Variants in SSBP2 observed in about 807,000 individuals in gnomAD.
SSBP2 encodes the protein single-stranded DNA-binding protein 2.
Under a neutral mutation model 61.8 loss-of-function variants are expected in SSBP2, and 17 were observed. The observed-to-expected ratio is 0.28, with a 90% CI of 0.19 to 0.41. SSBP2 has a LOEUF of 0.41. SSBP2 is among the 10% of genes least tolerant of loss of function. The probability of loss-of-function intolerance (pLI) is 1.00; values close to 1 mark genes in which losing one functional copy is unlikely to be tolerated. For synonymous variants in SSBP2, 139 were observed against 141.3 expected (o/e 0.98, Z 0.12); for missense variants, 310 against 458.7 (o/e 0.68, Z 2.96).
intron 5 of SSBP2, among the ~76,000 whole-genome samples, chr5:81,499,853 G>A (rs1767565092): frequency 6.6e-6 from 1 of 152,042 alleles, no homozygotes; most frequent in Non-Finnish European, 1.5e-5. Flanking sequence ...ATGTAAACTT[G>A]CTCCAGATGA....
chr5:81,591,293 G>A (rs1304863551), intron 4 of SSBP2, among the ~76,000 whole-genome samples: 1 of 152,128 alleles, frequency 6.6e-6, no homozygotes, highest in Admixed American at 6.5e-5. Context: ...ACACATTAAA[G>A]AACCGGAAAA....
At chr5:81,686,719 G>A (rs1460398052) in intron 1 of SSBP2, among the ~76,000 whole-genome samples, 1 of 151,860 alleles carries the variant, frequency 6.6e-6, no homozygotes, top group African/African-American at 2.4e-5. Flanking sequence ...GCCGGGTGTG[G>A]TGGCATGTGC....
At chr5:81,516,910 A>G (rs1255654644) in intron 4 of SSBP2, among the ~76,000 whole-genome samples, 1 of 152,090 alleles carries the variant, frequency 6.6e-6, no homozygotes, top group Non-Finnish European at 1.5e-5. Flanking sequence ...TCATGAGTCA[A>G]ATTTATCCAT....
intron 8 of SSBP2, among the ~76,000 whole-genome samples, chr5:81,471,844 T>C (rs551845686): frequency 1.9e-3 from 289 of 152,042 alleles, no homozygotes; most frequent in African/African-American, 6.7e-3. Context: ...TTTCCTATAA[T>C]ATGGCATCTC....
chr5:81,444,515 A>G (rs559524998), intron 12 of SSBP2, among the ~76,000 whole-genome samples: 1 of 152,292 alleles, frequency 6.6e-6, no homozygotes, highest in East Asian at 1.9e-4. Flanking sequence ...CAACTAGGAC[A>G]TAATAAGCTC....
intron 2 of SSBP2, among the ~76,000 whole-genome samples, chr5:81,646,086 A>T (rs183233386): frequency 1.0e-3 from 159 of 152,284 alleles, no homozygotes; most frequent in African/African-American, 3.6e-3. Context: ...GCTGAGATAC[A>T]CATCTTGCTT....
intron 4 of SSBP2, among the ~76,000 whole-genome samples, chr5:81,577,239 T>C (rs1001848721): frequency 6.6e-6 from 1 of 152,102 alleles, no homozygotes; most frequent in Non-Finnish European, 1.5e-5. Flanking sequence ...TTTATTGTAC[T>C]GCTGGCAGTA....
intron 6 of SSBP2, among the ~76,000 whole-genome samples, chr5:81,488,813 T>C (rs1480539270): frequency 6.6e-6 from 1 of 151,496 alleles, no homozygotes; most frequent in African/African-American, 2.4e-5. Flanking sequence ...GTTAGGTTTT[T>C]TGTCTTTATT....
intron 1 of SSBP2, among the ~76,000 whole-genome samples, chr5:81,726,636 A>AC (rs2153982711): frequency 6.6e-6 from 1 of 152,190 alleles, no homozygotes; most frequent in Non-Finnish European, 1.5e-5. Flanking sequence ...TAGTTTATAT[A>AC]CCCCCAATCA....
chr5:81,730,636 A>G (rs931578690), intron 1 of SSBP2, among the ~76,000 whole-genome samples: 13 of 152,264 alleles, frequency 8.5e-5, no homozygotes, highest in Admixed American at 2.0e-4. Context: ...TTGGTATAAT[A>G]TAAGTCATAA....
intron 2 of SSBP2, among the ~76,000 whole-genome samples, chr5:81,639,633 A>G (rs1748592648): frequency 6.6e-6 from 1 of 152,172 alleles, no homozygotes; most frequent in African/African-American, 2.4e-5. Context: ...TCAAAAAAAA[A>G]AAACTCTATG....
intron 1 of SSBP2, among the ~76,000 whole-genome samples, chr5:81,650,610 A>T (rs1458464978): frequency 1.3e-5 from 2 of 152,104 alleles, no homozygotes; most frequent in African/African-American, 4.8e-5. Context: ...CTCACTTATC[A>T]TAAGCTCATT....
At chr5:81,594,471 T>A (rs964125006) in intron 4 of SSBP2, among the ~76,000 whole-genome samples, 1 of 152,090 alleles carries the variant, frequency 6.6e-6, no homozygotes, top group Admixed American at 6.5e-5. Context: ...GGAATTGAAC[T>A]CACCTCTGCA....
chr5:81,529,032 T>G (rs1245417141), intron 4 of SSBP2, among the ~76,000 whole-genome samples: 9 of 152,080 alleles, frequency 5.9e-5, no homozygotes, highest in African/African-American at 2.2e-4. Context: ...AAAATACACA[T>G]TTTTTTCAAG....
At chr5:81,707,953 T>A (rs1754512844) in intron 1 of SSBP2, among the ~76,000 whole-genome samples, 1 of 152,130 alleles carries the variant, frequency 6.6e-6, no homozygotes, top group South Asian at 2.1e-4. Flanking sequence ...GAGCATAAAG[T>A]ACAGAAAAGA....
At chr5:81,457,913 C>T (rs1032135276) in intron 10 of SSBP2, among the ~76,000 whole-genome samples, 18 of 152,198 alleles carry the variant, frequency 1.2e-4, no homozygotes, top group African/African-American at 3.1e-4. Flanking sequence ...CCACCTGCCT[C>T]GGCCTCCCAA....
intron 1 of SSBP2, among the ~76,000 whole-genome samples, chr5:81,662,890 C>T (rs1750814111): frequency 6.6e-6 from 1 of 152,162 alleles, no homozygotes. Flanking sequence ...AAATCCATTA[C>T]ATGCTTGCCA....
intron 6 of SSBP2, among the ~76,000 whole-genome samples, chr5:81,478,000 G>A (rs1465434977): frequency 6.6e-6 from 1 of 152,090 alleles, no homozygotes; most frequent in East Asian, 1.9e-4. Flanking sequence ...AGGAGACTAA[G>A]ACCAACATCT....
At chr5:81,631,676 T>C (rs1269127983) in intron 3 of SSBP2, among the ~76,000 whole-genome samples, 2 of 152,142 alleles carry the variant, frequency 1.3e-5, no homozygotes, top group Non-Finnish European at 2.9e-5. Context: ...CTACTTAGAA[T>C]TATTTCAAAC....
Sources: allele counts gnomAD v4.1 joint callset (sites outside exome capture counted in the v4.1 genomes callset), GRCh38; gene constraint gnomAD v4.1.1; transcripts MANE v1.5; gene names NCBI Gene and HGNC (gene_info 2026-07-23, HGNC 2026-07-21).